Variants in EDEM3 observed in about 807,000 individuals in gnomAD.
The protein encoded by EDEM3 is ER degradation-enhancing alpha-mannosidase-like protein 3.
Under a neutral mutation model 110.2 loss-of-function variants are expected in EDEM3, and 60 were observed. The ratio of observed to expected loss-of-function variants is 0.54; its 90% CI spans 0.44 to 0.67. The LOEUF is 0.67. EDEM3 is among the 30% of genes least tolerant of loss of function. The pLI is 0.00. For synonymous variants in EDEM3, 352 were observed against 382.9 expected (o/e 0.92, Z 0.94); for missense variants, 996 against 1,121.0 (o/e 0.89, Z 1.59).
chr1:184,721,469 G>T, intron 8 of EDEM3, 83 bp from the exon 9 acceptor site: 1 of 951,432 alleles, frequency 1.1e-6, no homozygotes, highest in Non-Finnish European at 1.6e-6. Flanking sequence ...CCTTAGATTA[G>T]CATTAAATTA....
intron 13 of EDEM3, among the ~76,000 whole-genome samples, chr1:184,716,621 C>G (rs1215809075): frequency 6.6e-6 from 1 of 152,086 alleles, no homozygotes; most frequent in African/African-American, 2.4e-5. Flanking sequence ...AGTCCTAACA[C>G]CAAGGTTCTG....
At chr1:184,724,195 T>C (rs1256603743) in intron 7 of EDEM3, among the ~76,000 whole-genome samples, 2 of 152,088 alleles carry the variant, frequency 1.3e-5, no homozygotes, top group African/African-American at 4.8e-5. Context: ...TTAAATTATA[T>C]TAATTGCTTA....
intron 15 of EDEM3, 90 bp downstream of exon 15, chr1:184,711,633 T>C (rs1650237641): frequency 8.0e-7 from 1 of 1,245,856 alleles, no homozygotes; most frequent in African/African-American, 1.5e-5. Flanking sequence ...TGTGAATGTC[T>C]TCTTGGCTGT....
intron 7 of EDEM3, among the ~76,000 whole-genome samples, chr1:184,724,341 A>G (rs1050545905): frequency 4.6e-5 from 7 of 152,120 alleles, no homozygotes; most frequent in Non-Finnish European, 7.4e-5. Flanking sequence ...TTCAGATCCT[A>G]CTTTTTAAAT....
intron 1 of EDEM3, among the ~76,000 whole-genome samples, chr1:184,753,407 C>CTTTTTTTTTTTTTTTTTTTTTTTT (rs35445359): frequency 7.2e-6 from 1 of 138,334 alleles, no homozygotes. Context: ...TCAAAATGCA[C>CTTTTTTTTTTTTTTTTTTTTTTTT]TTTTTTTTTT....
chr1:184,731,669 G>T (rs1558062577), intron 6 of EDEM3, among the ~76,000 whole-genome samples: 1 of 152,118 alleles, frequency 6.6e-6, no homozygotes, highest in Non-Finnish European at 1.5e-5. Flanking sequence ...CATACTAACT[G>T]CTTCAATTAT....
At chr1:184,702,477 A>C (rs1571349248) in intron 19 of EDEM3, among the ~76,000 whole-genome samples, 2 of 152,204 alleles carry the variant, frequency 1.3e-5, no homozygotes, top group South Asian at 4.1e-4. Flanking sequence ...ATGTAGTATC[A>C]GTGAAATCAA....
chr1:184,732,936 A>T lies in EDEM3; in HGVS notation c.513T>A (p.Tyr171Ter). 1 of 1,614,078 alleles carries T rather than the reference A, an allele frequency of 6.2e-7. No individual in the cohort carries two copies. The highest frequency in any genetic ancestry group is 8.5e-7 in the Non-Finnish European group (1 of 1,179,954). Residue 171 changes from tyrosine (Y) to a stop codon, truncating the protein, a stop_gained, in exon 6 of 20, where the codon TAT becomes TAA. Transcript: ENST00000318130. LOFTEE classifies it high-confidence loss of function. ...GAAGTTCATCATTGTACCACTGCAT[A>T]TATTCACCTTTTTCTTTCAGCATGA... ...LAIMLKEKGE[Y>*]MQWYNDELLQ... is the part of the protein sequence containing the mutation.
In EDEM3 at chr1:184,754,724, C is replaced by A. The variant is rs1045563537; in HGVS notation, c.-78G>T. The A allele has an allele frequency of 8.2e-5, 117 of 1,432,280 alleles. No homozygotes were observed. Among genetic ancestry groups the A allele is most frequent in the Non-Finnish European group, 5.5e-6 (6 of 1,099,646 alleles). The allele number at this position is 1,432,280 out of a possible 1,614,324, so 88.7% of individuals were successfully genotyped here. ...TTGCTGGACGCTGGTGGCCAGGGGG[C>A]TGCTAGCCGTGCCGAGACGGGGCGG... On this transcript the variant is annotated 5_prime_UTR_variant, in exon 1 of 20. Coordinates refer to ENST00000318130, the MANE Select transcript of EDEM3 (RefSeq NM_025191.4).
chr1:184,697,267 G>A (rs996316866), intron 19 of EDEM3, among the ~76,000 whole-genome samples: 1 of 151,736 alleles, frequency 6.6e-6, no homozygotes, highest in African/African-American at 2.4e-5. Context: ...CTTAAATGAA[G>A]TCTTAATATT....
chr1:184,719,272 C>T (rs1448963818), intron 10 of EDEM3, 27 bp from the exon 11 acceptor site: 11 of 1,518,210 alleles, frequency 7.2e-6, no homozygotes, highest in Middle Eastern at 1.8e-4. Flanking sequence ...ATAAAATTAC[C>T]TAATAAAATA....
intron 4 of EDEM3, among the ~76,000 whole-genome samples, chr1:184,736,624 A>T (rs1250044170): frequency 6.6e-6 from 1 of 152,158 alleles, no homozygotes; most frequent in Non-Finnish European, 1.5e-5. Flanking sequence ...GGGAAAAATT[A>T]ATTTTTTGCT....
intron 18 of EDEM3, among the ~76,000 whole-genome samples, chr1:184,705,474 G>T (rs574477888): frequency 2.6e-5 from 4 of 152,246 alleles, no homozygotes; most frequent in Admixed American, 1.3e-4. Flanking sequence ...AAACAAATTG[G>T]CATGACTGTG....
intron 2 of EDEM3, among the ~76,000 whole-genome samples, chr1:184,744,896 C>A (rs1014317437): frequency 2.2e-4 from 33 of 151,916 alleles, no homozygotes; most frequent in African/African-American, 6.8e-4. Context: ...CTGTATGATG[C>A]CATATATATG....
chr1:184,714,631 C>T (rs1650442796), intron 13 of EDEM3, among the ~76,000 whole-genome samples: 1 of 152,158 alleles, frequency 6.6e-6, no homozygotes, highest in Non-Finnish European at 1.5e-5. Context: ...CCAACCAAAA[C>T]TTCTTCCTAA....
intron 9 of EDEM3, among the ~76,000 whole-genome samples, chr1:184,720,041 T>C (rs994408364): frequency 2.0e-5 from 3 of 152,264 alleles, no homozygotes; most frequent in African/African-American, 4.8e-5. Context: ...GCCACTCTTA[T>C]GGTTTGCTAT....
At chr1:184,736,244 C>T (rs1432547672) in intron 4 of EDEM3, among the ~76,000 whole-genome samples, 1 of 151,344 alleles carries the variant, frequency 6.6e-6, no homozygotes. Flanking sequence ...TGAGAATTTT[C>T]GTTCTTAAAA....
chr1:184,737,089 A>G lies in EDEM3; in HGVS notation c.306-25T>C, dbSNP rs371539644. On this transcript the variant is annotated intron_variant, in intron 3 of 19. Transcript: ENST00000318130. ...TCTAAGAAACAAGCGTTAACAAGAT[A>G]TAAAACATTAGAATCCTAAATAGTT... The G allele has an allele frequency of 3.8e-6, 6 of 1,588,208 alleles. No homozygotes were observed. The African/African-American group carries it at 5.4e-5, about 14-fold the overall frequency.
At chr1:184,734,857 C>T (rs1208302665) in intron 4 of EDEM3, among the ~76,000 whole-genome samples, 1 of 152,106 alleles carries the variant, frequency 6.6e-6, no homozygotes, top group African/African-American at 2.4e-5. Context: ...TCTTTGCATA[C>T]ACCGAAATAT....
Sources: gnomAD v4.1 joint callset for allele counts (sites outside exome capture counted in the v4.1 genomes callset) on GRCh38, gnomAD v4.1.1 for gene constraint, MANE v1.5 for transcripts, NCBI Gene and HGNC (gene_info 2026-07-23, HGNC 2026-07-21) for gene names.